PPP1R12B: variants seen among roughly 807,000 people sequenced by gnomAD.
PPP1R12B encodes myosin phosphatase target subunit 2.
A neutral mutation model predicts 126.1 loss-of-function variants in PPP1R12B; 76 were observed. The observed-to-expected ratio is 0.60, with a 90% CI of 0.50 to 0.73. The LOEUF is 0.73. Among genes scored for constraint, PPP1R12B ranks in the 30% least tolerant of loss-of-function variants. The pLI, the probability that PPP1R12B is intolerant of heterozygous loss-of-function variation, is 0.00. For synonymous variants in PPP1R12B, 356 were observed against 434.7 expected (o/e 0.82, Z 2.25); for missense variants, 1,052 against 1,205.1 (o/e 0.87, Z 1.88).
chr1:202,373,463 G>A lies in PPP1R12B; in HGVS notation c.291+24321G>A, dbSNP rs376905324. ...GTGTAGTTTTAGCTCTTACACTTGG[G>A]TCTTTGATACATTTTGAGTTAATTT... On this transcript the variant is annotated intron_variant, in intron 1 of 23. Transcript: ENST00000608999. Among the ~76,000 whole-genome samples the A allele has an allele frequency of 4.6e-5, 7 of 152,132 alleles. No individual in the cohort carries two copies. The East Asian group carries it at 9.6e-4, about 21-fold the overall frequency.
At chr1:202,375,251 C>G (rs1274896427) in intron 1 of PPP1R12B, among the ~76,000 whole-genome samples, 1 of 152,216 alleles carries the variant, frequency 6.6e-6, no homozygotes, top group African/African-American at 2.4e-5. Flanking sequence ...GCCTCTCAAA[C>G]TATTTTCTAT....
At chr1:202,553,546 G>GATAGTCT (rs1326071178) in intron 18 of PPP1R12B, among the ~76,000 whole-genome samples, 4 of 152,196 alleles carry the variant, frequency 2.6e-5, no homozygotes, top group Admixed American at 2.6e-4. Context: ...ATCATGTGCA[G>GATAGTCT]ATAAGCTATT....
intron 15 of PPP1R12B, among the ~76,000 whole-genome samples, chr1:202,493,631 A>G (rs1398456): frequency 6.6e-6 from 1 of 152,234 alleles, no homozygotes; most frequent in Non-Finnish European, 1.5e-5. Flanking sequence ...TACTCAATAC[A>G]TGCTTACTTT....
Position 202,429,735 on chromosome 1 carries a change from C to T in PPP1R12B, c.921+806C>T, listed in dbSNP as rs567182148. Among the ~76,000 whole-genome samples, 3 of 152,190 alleles carry T rather than the reference C, an allele frequency of 2.0e-5. No individual in the cohort carries two copies. The South Asian group carries it at 6.2e-4, about 32-fold the overall frequency. On this transcript the variant is annotated intron_variant, in intron 6 of 23. Transcript: ENST00000608999. ...TCAATGACTTTTTTTGTTTTTGTTT[C>T]TTTTGCACGTGCTGTCACTCAGGTA...
At chr1:202,525,128 C>G (rs149677152) in intron 18 of PPP1R12B, among the ~76,000 whole-genome samples, 1 of 152,192 alleles carries the variant, frequency 6.6e-6, no homozygotes, top group African/African-American at 2.4e-5. Context: ...ATCTTCCCAC[C>G]TTGGCTTCCC....
At chr1:202,560,975 C>T (rs542636533) in intron 19 of PPP1R12B, among the ~76,000 whole-genome samples, 2 of 151,744 alleles carry the variant, frequency 1.3e-5, no homozygotes, top group South Asian at 2.1e-4. Context: ...AACTAACCTG[C>T]ACATTGTGCA....
At chr1:202,476,550 G>A (rs1257274390) in intron 13 of PPP1R12B, among the ~76,000 whole-genome samples, 1 of 151,826 alleles carries the variant, frequency 6.6e-6, no homozygotes, top group Admixed American at 6.6e-5. Context: ...GGGCCTGGTG[G>A]CACATGCCTG....
chr1:202,407,417 C>G (rs764630901), intron 1 of PPP1R12B, among the ~76,000 whole-genome samples: 10 of 152,178 alleles, frequency 6.6e-5, no homozygotes, highest in African/African-American at 2.4e-4. Context: ...CAGTATGACA[C>G]TTCATGGAAA....
Position 202,588,465 on chromosome 1 carries a change from T to C in PPP1R12B, c.*7905T>C, listed in dbSNP as rs1257234065. 1 of 152,586 alleles carries C rather than the reference T, an allele frequency of 6.6e-6. No homozygotes were observed. 9.5% of individuals were successfully genotyped at this position (152,586 alleles called of 1,614,324 possible). ...CTGGTTGTTGTTATATAGTTTTGAGTATTCTGTGTTTGAAAGTTTGGGAAT... is the reference window on the plus strand; with the variant it reads ...CTGGTTGTTGTTATATAGTTTTGAGCATTCTGTGTTTGAAAGTTTGGGAAT... On this transcript the variant is annotated 3_prime_UTR_variant, in exon 24 of 24. Transcript: ENST00000608999.
intron 1 of PPP1R12B, among the ~76,000 whole-genome samples, chr1:202,361,316 A>G (rs1359366444): frequency 6.6e-6 from 1 of 152,238 alleles, no homozygotes; most frequent in East Asian, 1.9e-4. Flanking sequence ...CAGGCTATAC[A>G]GGAAGCATGA....
rs188546616 is a variant in PPP1R12B, at chr1:202,527,099, C to T, written c.2490+30277C>T. ...AAAGATAAAAGCAGAAATTAATGAACAGAAAACAGAATAGCAGTAGAAATA... is the reference window on the plus strand; with the variant it reads ...AAAGATAAAAGCAGAAATTAATGAATAGAAAACAGAATAGCAGTAGAAATA... On this transcript the variant is annotated intron_variant, in intron 18 of 23. Coordinates refer to ENST00000608999, the MANE Select transcript of PPP1R12B (RefSeq NM_002481.4). Among the ~76,000 whole-genome samples, 1,447 of 152,068 alleles carry T rather than the reference C, an allele frequency of 9.5e-3. 5 individuals carry two copies. Among genetic ancestry groups the T allele is most frequent in the Non-Finnish European group, 0.015 (1,043 of 67,994 alleles).
chr1:202,483,926 T>C (rs991784064), intron 13 of PPP1R12B, among the ~76,000 whole-genome samples: 1 of 152,232 alleles, frequency 6.6e-6, no homozygotes, highest in Non-Finnish European at 1.5e-5. Context: ...TCTGACATGG[T>C]TACTCCTGCT....
At chr1:202,555,939 T>G (rs1686883019) in intron 18 of PPP1R12B, among the ~76,000 whole-genome samples, 1 of 151,298 alleles carries the variant, frequency 6.6e-6, no homozygotes, top group South Asian at 2.1e-4. Flanking sequence ...GCAGTGACGC[T>G]ATCTCAGCTC....
intron 13 of PPP1R12B, among the ~76,000 whole-genome samples, chr1:202,482,739 T>C (rs774420813): frequency 4.6e-5 from 7 of 152,226 alleles, no homozygotes; most frequent in Non-Finnish European, 8.8e-5. Flanking sequence ...AAAAGCTTTT[T>C]AGTTTGTTGC....
In PPP1R12B at chr1:202,496,874, G is replaced by A. The variant is rs1235875675; in HGVS notation, c.2490+52G>A. The A allele has an allele frequency of 2.0e-6, 3 of 1,529,660 alleles. No homozygotes were observed. The Admixed American group carries it at 5.4e-5, about 28-fold the overall frequency. The allele number at this position is 1,529,660 out of a possible 1,614,324, so 94.8% of individuals were successfully genotyped here. ...CTCTTGAGAGCACAGTCTTGCTCTTGTATGTAATTTTAGTAGAAGAAAGGG... is the reference window on the plus strand; with the variant it reads ...CTCTTGAGAGCACAGTCTTGCTCTTATATGTAATTTTAGTAGAAGAAAGGG... On this transcript the variant is annotated intron_variant, in intron 18 of 23. Coordinates refer to ENST00000608999, the MANE Select transcript of PPP1R12B (RefSeq NM_002481.4).
chr1:202,492,941 C>A (rs1679083539), intron 14 of PPP1R12B, among the ~76,000 whole-genome samples, 173 bp from the exon 15 acceptor site: 1 of 152,142 alleles, frequency 6.6e-6, no homozygotes, highest in Non-Finnish European at 1.5e-5. Flanking sequence ...GTTCTTTGTA[C>A]ACTGAGATGC....
chr1:202,361,140 G>A (rs559820470), intron 1 of PPP1R12B, among the ~76,000 whole-genome samples: 4 of 152,196 alleles, frequency 2.6e-5, no homozygotes, highest in South Asian at 2.1e-4. Context: ...TGATCCGCCC[G>A]CCTCGGCCTC....
intron 1 of PPP1R12B, among the ~76,000 whole-genome samples, chr1:202,389,717 A>G (rs1663804134): frequency 6.6e-6 from 1 of 152,114 alleles, no homozygotes; most frequent in Non-Finnish European, 1.5e-5. Flanking sequence ...TCACGAGGTC[A>G]GGAGTTCGAG....
chr1:202,492,394 A>G (rs1019878783), intron 14 of PPP1R12B, among the ~76,000 whole-genome samples: 14 of 152,298 alleles, frequency 9.2e-5, no homozygotes, highest in Middle Eastern at 6.8e-3. Context: ...TCAACTAACT[A>G]CCTTCCAGCT....
Sources: gnomAD v4.1 joint callset for allele counts (sites outside exome capture counted in the v4.1 genomes callset) on GRCh38, gnomAD v4.1.1 for gene constraint, MANE v1.5 for transcripts, NCBI Gene and HGNC (gene_info 2026-07-23, HGNC 2026-07-21) for gene names.